Variants in ADAMTS17 observed in about 807,000 individuals in gnomAD.
ADAMTS17 encodes ADAM metallopeptidase with thrombospondin type 1 motif 17.
In ADAMTS17, 113 loss-of-function variants were observed where a neutral mutation model predicts 141.5. The observed-to-expected ratio is 0.80, with a 90% CI of 0.69 to 0.93. ADAMTS17 has a LOEUF of 0.93. Among genes scored for constraint, ADAMTS17 ranks in the 40% least tolerant of loss-of-function variants. The pLI is 0.00. For synonymous variants in ADAMTS17, 768 were observed against 630.6 expected, an observed-to-expected ratio of 1.22 and a Z score of -3.27; for missense variants, 1,659 against 1,517.9, an observed-to-expected ratio of 1.09 and a Z score of -1.54.
At position 100,280,609 on chromosome 15, in the gene ADAMTS17, T is replaced by C. The variant is rs115627886; in HGVS notation, c.789+620A>G. Among the ~76,000 whole-genome samples, 496 of 152,252 alleles carry C rather than the reference T, an allele frequency of 3.3e-3. 2 individuals carry two copies. Among genetic ancestry groups the C allele is most frequent in the African/African-American group, 0.011 (458 of 41,552 alleles). On this transcript the variant is annotated intron_variant, in intron 4 of 21. Coordinates refer to ENST00000268070, the MANE Select transcript of ADAMTS17 (RefSeq NM_139057.4). The stretch of plus-strand genomic sequence containing the variant: ...CCTGTCCACAACTTCCACACCCTTA[T>C]GGCTCCCCGTTCCCGCCATGTCAAA...
Position 100,255,551 on chromosome 15 carries a change from C to G in ADAMTS17, c.1032-1372G>C, listed in dbSNP as rs1357095615. ...AAAATTAGAGCCATGGGTGTGCTCA[C>G]TGGCCCCATACCTACCTAGCCCCAG... On this transcript the variant is annotated intron_variant, in intron 6 of 21. Transcript: ENST00000268070. Among the ~76,000 whole-genome samples, 3 of 151,624 alleles carry G rather than the reference C, an allele frequency of 2.0e-5. No individual in the cohort carries two copies. The East Asian group carries it at 5.8e-4, about 29-fold the overall frequency.
chr15:99,994,320 A>C (rs1342177762), intron 19 of ADAMTS17, among the ~76,000 whole-genome samples: 1 of 152,168 alleles, frequency 6.6e-6, no homozygotes, highest in African/African-American at 2.4e-5. Flanking sequence ...AACAAACTCA[A>C]CTTTAAAAAG....
intron 15 of ADAMTS17, among the ~76,000 whole-genome samples, chr15:100,085,637 G>A (rs562508049): frequency 8.6e-5 from 13 of 151,818 alleles, no homozygotes; most frequent in African/African-American, 3.1e-4. Flanking sequence ...ATCAGACGAA[G>A]AGCTGATCTC....
intron 10 of ADAMTS17, among the ~76,000 whole-genome samples, chr15:100,145,553 G>C (rs1222324358): frequency 6.6e-6 from 1 of 152,100 alleles, no homozygotes. Flanking sequence ...GAGAAAACTG[G>C]ACCATTAGTA....
chr15:100,190,952 C>A (rs552384927), intron 8 of ADAMTS17, among the ~76,000 whole-genome samples: 79 of 152,152 alleles, frequency 5.2e-4, no homozygotes, highest in African/African-American at 1.9e-3. Context: ...GGCCACATAG[C>A]GCCGTGGGAA....
chr15:100,304,914 C>A (rs1354118935), intron 3 of ADAMTS17, among the ~76,000 whole-genome samples: 1 of 152,182 alleles, frequency 6.6e-6, no homozygotes, highest in South Asian at 2.1e-4. Context: ...TGATCTACTT[C>A]CACTTAATAA....
At chr15:100,295,840 T>C (rs1451197954) in intron 3 of ADAMTS17, among the ~76,000 whole-genome samples, 1 of 152,160 alleles carries the variant, frequency 6.6e-6, no homozygotes, top group Non-Finnish European at 1.5e-5. Context: ...TATATGTCAT[T>C]GAAGCTTCAA....
At chr15:100,114,076 C>A (rs567323427) in intron 13 of ADAMTS17, among the ~76,000 whole-genome samples, 1 of 151,700 alleles carries the variant, frequency 6.6e-6, no homozygotes, top group African/African-American at 2.4e-5. Flanking sequence ...TAAGGAGGAT[C>A]TTTGTCTTCT....
intron 15 of ADAMTS17, among the ~76,000 whole-genome samples, chr15:100,054,928 G>A (rs528996401): frequency 5.9e-5 from 9 of 152,144 alleles, no homozygotes; most frequent in Non-Finnish European, 1.0e-4. Context: ...TTCCCACTTC[G>A]GGGTGAAGAT....
chr15:100,159,254 G>T lies in ADAMTS17; in HGVS notation c.1182-3934C>A, dbSNP rs28385562. Among the ~76,000 whole-genome samples the T allele has an allele frequency of 7.5e-3, 1,136 of 152,264 alleles. 10 individuals carry two copies. The highest frequency in any genetic ancestry group is 0.021 in the African/African-American group (889 of 41,530). On this transcript the variant is annotated intron_variant, in intron 8 of 21. Transcript: ENST00000268070. ...CTGATAGATGGATCAATAAAATGTAGTCTATACATACAATGAAATATTATT... is the reference window on the plus strand; with the variant it reads ...CTGATAGATGGATCAATAAAATGTATTCTATACATACAATGAAATATTATT...
intron 15 of ADAMTS17, among the ~76,000 whole-genome samples, chr15:100,087,212 C>CT (rs2035164154): frequency 6.6e-6 from 1 of 152,218 alleles, no homozygotes; most frequent in South Asian, 2.1e-4. Context: ...ATAAACACCT[C>CT]TACACAAATA....
chr15:100,040,204 C>T lies in ADAMTS17; in HGVS notation c.2591+8653G>A, dbSNP rs533363161. On this transcript the variant is annotated intron_variant, in intron 18 of 21. Coordinates refer to ENST00000268070, the MANE Select transcript of ADAMTS17 (RefSeq NM_139057.4). ...CCAAGGGGAAAGGGCCGTTTTGAGA[C>T]GCAGCCACCAACATATCCAAGCTCA... Among the ~76,000 whole-genome samples the T allele has an allele frequency of 5.3e-5, 8 of 152,280 alleles. No homozygotes were observed. The South Asian group carries it at 6.2e-4, about 12-fold the overall frequency.
At chr15:100,082,585 G>A (rs779483177) in intron 15 of ADAMTS17, among the ~76,000 whole-genome samples, 5 of 151,618 alleles carry the variant, frequency 3.3e-5, no homozygotes, top group Non-Finnish European at 5.9e-5. Flanking sequence ...GCAGGGTTTC[G>A]CCATGTTGCT....
chr15:100,094,363 C>T (rs890942147), intron 15 of ADAMTS17, among the ~76,000 whole-genome samples: 8 of 152,156 alleles, frequency 5.3e-5, no homozygotes, highest in African/African-American at 1.4e-4. Context: ...AGGGATGTGG[C>T]CCAGGCCGGA....
chr15:100,182,224 G>A (rs996499688), intron 8 of ADAMTS17, among the ~76,000 whole-genome samples: 2 of 152,226 alleles, frequency 1.3e-5, no homozygotes, highest in African/African-American at 4.8e-5. Context: ...CAAAGGGGAA[G>A]CAAGGACCTT....
intron 14 of ADAMTS17, among the ~76,000 whole-genome samples, chr15:100,097,775 G>A (rs896697031): frequency 5.9e-5 from 9 of 152,230 alleles, no homozygotes; most frequent in South Asian, 2.1e-4. Context: ...GCTGCTTGCC[G>A]GGGCCATGCG....
intron 3 of ADAMTS17, among the ~76,000 whole-genome samples, chr15:100,285,032 C>A (rs932846024): frequency 1.3e-5 from 2 of 152,224 alleles, no homozygotes; most frequent in Admixed American, 6.5e-5. Context: ...CCTGTTGTCA[C>A]AGACACCAGG....
At position 99,974,222 on chromosome 15, in the gene ADAMTS17, G is replaced by A; in HGVS notation, c.*180C>T. 1.4e-6 allele frequency: 1 copy of A among 716,794 alleles called. No homozygotes were observed. Among genetic ancestry groups the A allele is most frequent in the Non-Finnish European group, 2.3e-6 (1 of 428,750 alleles). 44.4% of individuals were successfully genotyped at this position (716,794 alleles called of 1,614,324 possible). A position where few individuals can be genotyped will look rare whatever the true frequency, so the allele number is the denominator to read the frequency against. ...CCTCACTGTAGAAAGCCAGCCAGTG[G>A]CTGTTAACAATATATTAAGTACGGA... On this transcript the variant is annotated 3_prime_UTR_variant, in exon 22 of 22. Coordinates refer to ENST00000268070, the MANE Select transcript of ADAMTS17 (RefSeq NM_139057.4).
chr15:100,315,182 G>C (rs1567526543), intron 3 of ADAMTS17, among the ~76,000 whole-genome samples: 1 of 152,226 alleles, frequency 6.6e-6, no homozygotes, highest in Non-Finnish European at 1.5e-5. Context: ...CGTGGCAGGT[G>C]GGCGGGACCT....
Sources: allele counts gnomAD v4.1 joint callset (sites outside exome capture counted in the v4.1 genomes callset), GRCh38; gene constraint gnomAD v4.1.1; transcripts MANE v1.5; gene names NCBI Gene and HGNC (gene_info 2026-07-23, HGNC 2026-07-21).